DACH1: variants seen among roughly 807,000 people sequenced by gnomAD.
DACH1 encodes dachshund homolog 1.
DACH1 carries 12 observed loss-of-function variants against 54.2 expected under a neutral mutation model. The ratio of observed to expected loss-of-function variants is 0.22; its 90% CI spans 0.14 to 0.36. DACH1 has a LOEUF of 0.36. Among genes scored for constraint, DACH1 ranks in the 10% least tolerant of loss-of-function variants. DACH1 has a pLI of 1.00. For missense variants in DACH1, 805 were observed against 929.8 expected (o/e 0.87, Z 1.75); for synonymous variants, 386 against 366.2 (o/e 1.05, Z -0.62).
At chr13:71,466,222 C>T (rs751314232) in intron 10 of DACH1, among the ~76,000 whole-genome samples, 6 of 152,146 alleles carry the variant, frequency 3.9e-5, no homozygotes, top group Non-Finnish European at 7.4e-5. Context: ...TCTTTAGGGT[C>T]CCCTGCTAAT....
intron 1 of DACH1, among the ~76,000 whole-genome samples, chr13:71,819,783 G>C (rs1038218215): frequency 6.6e-6 from 1 of 152,100 alleles, no homozygotes; most frequent in Admixed American, 6.5e-5. Context: ...CAAAGTCCTT[G>C]TTCAAAAGAA....
intron 6 of DACH1, among the ~76,000 whole-genome samples, chr13:71,548,637 G>C (rs2138350662): frequency 2.0e-5 from 3 of 152,110 alleles, no homozygotes; most frequent in Admixed American, 2.0e-4. Flanking sequence ...TAACTTTCAG[G>C]CACTGTGTGG....
At chr13:71,630,883 T>C (rs1345669892) in intron 2 of DACH1, among the ~76,000 whole-genome samples, 166 bp from the exon 3 acceptor site, 1 of 152,122 alleles carries the variant, frequency 6.6e-6, no homozygotes, top group Non-Finnish European at 1.5e-5. Flanking sequence ...GAAACAACAT[T>C]GATATAAGGG....
At chr13:71,547,244 T>A (rs550780331) in intron 6 of DACH1, among the ~76,000 whole-genome samples, 3 of 152,110 alleles carry the variant, frequency 2.0e-5, no homozygotes, top group Non-Finnish European at 4.4e-5. Context: ...CATTAATGGA[T>A]TATTTTATAA....
At chr13:71,482,354 A>T (rs1030898380) in intron 7 of DACH1, among the ~76,000 whole-genome samples, 1 of 152,158 alleles carries the variant, frequency 6.6e-6, no homozygotes, top group Non-Finnish European at 1.5e-5. Flanking sequence ...TTTCTTAATA[A>T]CCTAGCTAGA....
chr13:71,756,800 T>C (rs1466711201), intron 1 of DACH1, among the ~76,000 whole-genome samples: 2 of 152,064 alleles, frequency 1.3e-5, no homozygotes, highest in Admixed American at 6.6e-5. Context: ...AAAGGAAAAA[T>C]CATAACTCTC....
chr13:71,781,967 G>A (rs941891254), intron 1 of DACH1, among the ~76,000 whole-genome samples: 2 of 152,138 alleles, frequency 1.3e-5, no homozygotes, highest in Non-Finnish European at 2.9e-5. Context: ...ATGCTACACT[G>A]ATTACTGCAA....
intron 2 of DACH1, among the ~76,000 whole-genome samples, chr13:71,652,418 C>T (rs1303524307): frequency 6.6e-6 from 1 of 152,092 alleles, no homozygotes; most frequent in Non-Finnish European, 1.5e-5. Flanking sequence ...AATGCTTAGG[C>T]TTTCATAACC....
rs1160518125 is a variant in DACH1 at position 71,866,400 on chromosome 13, C to G, written c.370G>C (p.Ala124Pro). 1 of 1,414,950 alleles carries G rather than the reference C, an allele frequency of 7.1e-7. No individual in the cohort carries two copies. The highest frequency in any genetic ancestry group is 2.3e-5 in the Admixed American group (1 of 43,538). The allele number at this position is 1,414,950 out of a possible 1,614,324, so 87.6% of individuals were successfully genotyped here. ...GTGCTGGAAGCGACGCCGCCGCCAG[C>G]GCTGATGCCGCCGCCGCCGCCGCCG... ...GSGGGGGGISAGGGVASSTPI... is the reference protein window; with the variant it reads ...GSGGGGGGISPGGGVASSTPI... The change falls in exon 1 of 11, where the codon GCT (alanine) becomes CCT (proline). Residue 124 changes from alanine to proline, a missense_variant. This residue lies in a region of DACH1 where 305 missense variants were observed against 308.7 expected (regional missense o/e 0.99). Transcript: ENST00000613252.
rs147588999 is a variant in DACH1 at position 71,551,982 on chromosome 13, T to G, written c.1570+5042A>C. ...AATATGACACAAAAGAAGGGCTTTATGGCCTGAAGCAAATCCCCTGGATTT... is the reference window on the plus strand; with the variant it reads ...AATATGACACAAAAGAAGGGCTTTAGGGCCTGAAGCAAATCCCCTGGATTT... On this transcript the variant is annotated intron_variant, in intron 6 of 10. Transcript: ENST00000613252. Among the ~76,000 whole-genome samples, 15 of 152,200 alleles carry G rather than the reference T, an allele frequency of 9.9e-5. No homozygotes were observed. In the East Asian group the frequency reaches 2.9e-3, roughly 29 times the overall value.
At chr13:71,698,172 C>G (rs920856314) in intron 1 of DACH1, among the ~76,000 whole-genome samples, 1 of 151,702 alleles carries the variant, frequency 6.6e-6, no homozygotes, top group Non-Finnish European at 1.5e-5. Flanking sequence ...GGTGACAGAG[C>G]GAGACTCCGT....
At chr13:71,777,941 A>G (rs1886131689) in intron 1 of DACH1, among the ~76,000 whole-genome samples, 1 of 151,750 alleles carries the variant, frequency 6.6e-6, no homozygotes, top group African/African-American at 2.4e-5. Context: ...AAATGGTAAA[A>G]CCTCATCTCT....
At chr13:71,565,810 C>T (rs1884861708) in intron 4 of DACH1, among the ~76,000 whole-genome samples, 1 of 152,170 alleles carries the variant, frequency 6.6e-6, no homozygotes, top group Admixed American at 6.5e-5. Flanking sequence ...TTTGAACTTA[C>T]TCATTGGTGG....
Position 71,866,485 on chromosome 13 carries a change from ACCGCCG to A in DACH1, c.279_284del (p.Gly100_Gly101del). The A allele has an allele frequency of 8.2e-7, 1 of 1,226,550 alleles. No homozygotes were observed. Among genetic ancestry groups the A allele is most frequent in the Non-Finnish European group, 1.0e-6 (1 of 983,538 alleles). The allele number at this position is 1,226,550 out of a possible 1,614,324, so 76.0% of individuals were successfully genotyped here. A position where few individuals can be genotyped will look rare whatever the true frequency, so the allele number is the denominator to read the frequency against. On this transcript the variant is annotated inframe_deletion, in exon 1 of 11. Coordinates refer to ENST00000613252, the MANE Select transcript of DACH1 (RefSeq NM_080759.6). ...AGTTGCTGCCACCGCCGCCGCCGCC[ACCGCCG>A]CCTCCGTTGCCGCTGCTGCCGCCGC...
At chr13:71,861,680 A>T (rs778226630) in intron 1 of DACH1, among the ~76,000 whole-genome samples, 2 of 151,920 alleles carry the variant, frequency 1.3e-5, no homozygotes, top group African/African-American at 4.8e-5. Flanking sequence ...TGGAAGCATT[A>T]ATCTACTGTA....
chr13:71,772,474 A>G (rs995321941), intron 1 of DACH1, among the ~76,000 whole-genome samples: 1 of 151,726 alleles, frequency 6.6e-6, no homozygotes, highest in South Asian at 2.1e-4. Flanking sequence ...GAAGTCATTA[A>G]CCATTCTCTC....
At chr13:71,626,767 A>T (rs1394178453) in intron 3 of DACH1, among the ~76,000 whole-genome samples, 2 of 152,024 alleles carry the variant, frequency 1.3e-5, no homozygotes, top group Non-Finnish European at 2.9e-5. Flanking sequence ...TGAAGCATTA[A>T]TTCAAATCAT....
intron 6 of DACH1, among the ~76,000 whole-genome samples, chr13:71,506,478 A>G (rs573332980): frequency 6.6e-6 from 1 of 151,832 alleles, no homozygotes; most frequent in African/African-American, 2.4e-5. Flanking sequence ...ATCATTTTTT[A>G]TGGCTGCATA....
intron 6 of DACH1, among the ~76,000 whole-genome samples, chr13:71,493,885 A>G (rs1280251874): frequency 6.6e-6 from 1 of 152,178 alleles, no homozygotes; most frequent in Non-Finnish European, 1.5e-5. Flanking sequence ...TAATATCTGA[A>G]AAAGAATGAG....
Sources: allele counts gnomAD v4.1 joint callset (sites outside exome capture counted in the v4.1 genomes callset), GRCh38; gene constraint gnomAD v4.1.1; regional missense constraint gnomAD v4.1.1; transcripts MANE v1.5; gene names NCBI Gene and HGNC (gene_info 2026-07-23, HGNC 2026-07-21).